MARCHF1: variants seen among roughly 807,000 people sequenced by gnomAD.
MARCHF1 encodes membrane associated ring-CH-type finger 1.
In MARCHF1, 40 loss-of-function variants were observed where a neutral mutation model predicts 54.2. The observed-to-expected ratio is 0.74, with a 90% CI of 0.57 to 0.96. The LOEUF (loss-of-function observed/expected upper bound fraction) is 0.96. Ranked by LOEUF, MARCHF1 falls within the 40% of genes least tolerant of loss-of-function variation. The pLI is 0.00. For missense variants in MARCHF1, 586 were observed against 656.5 expected (o/e 0.89, Z 1.17); for synonymous variants, 236 against 236.3 (o/e 1.00, Z 0.01).
chr4:163,532,289 T>A (rs1738380369), intron 9 of MARCHF1, among the ~76,000 whole-genome samples: 1 of 151,826 alleles, frequency 6.6e-6, no homozygotes, highest in South Asian at 2.1e-4. Context: ...GATACAAATA[T>A]AGGAAACTGA....
intron 3 of MARCHF1, among the ~76,000 whole-genome samples, chr4:163,944,212 G>C (rs1207192103): frequency 6.8e-6 from 1 of 146,716 alleles, no homozygotes. Flanking sequence ...TCGATCTCCT[G>C]ACCTCGTGAT....
intron 5 of MARCHF1, among the ~76,000 whole-genome samples, chr4:163,687,820 C>A (rs1744315488): frequency 6.6e-6 from 1 of 152,098 alleles, no homozygotes; most frequent in Non-Finnish European, 1.5e-5. Flanking sequence ...TTAAATTGGT[C>A]TATTTATATG....
intron 4 of MARCHF1, among the ~76,000 whole-genome samples, chr4:163,830,684 C>T (rs979262220): frequency 4.6e-5 from 7 of 151,888 alleles, no homozygotes; most frequent in African/African-American, 1.7e-4. Context: ...GAGGCCGAGG[C>T]GGGAGCATCA....
At chr4:163,879,844 A>G (rs1391448836) in intron 3 of MARCHF1, among the ~76,000 whole-genome samples, 2 of 134,864 alleles carry the variant, frequency 1.5e-5, no homozygotes, top group Non-Finnish European at 3.3e-5. Flanking sequence ...TAGCTTTTAT[A>G]ATCCAAAGTT....
intron 4 of MARCHF1, among the ~76,000 whole-genome samples, chr4:163,819,323 T>C (rs1410143257): frequency 6.6e-6 from 1 of 152,134 alleles, no homozygotes; most frequent in African/African-American, 2.4e-5. Flanking sequence ...CTTTGTGATG[T>C]CCCTTCTTCT....
At chr4:163,787,611 G>A (rs1007966871) in intron 4 of MARCHF1, among the ~76,000 whole-genome samples, 2 of 151,802 alleles carry the variant, frequency 1.3e-5, no homozygotes, top group African/African-American at 2.4e-5. Context: ...TGACACCCTT[G>A]TACACTTTTA....
At chr4:164,166,376 G>C (rs1730381837) in intron 1 of MARCHF1, among the ~76,000 whole-genome samples, 1 of 151,972 alleles carries the variant, frequency 6.6e-6, no homozygotes, top group Admixed American at 6.6e-5. Flanking sequence ...ACATAATGAA[G>C]TTATCCAAAA....
chr4:164,023,137 C>T (rs1010933951), intron 2 of MARCHF1, among the ~76,000 whole-genome samples: 1 of 152,180 alleles, frequency 6.6e-6, no homozygotes, highest in Non-Finnish European at 1.5e-5. Context: ...GTTCACTGGC[C>T]AGCATGGGAG....
chr4:163,693,142 G>C (rs1579200937), intron 5 of MARCHF1, among the ~76,000 whole-genome samples: 1 of 151,352 alleles, frequency 6.6e-6, no homozygotes, highest in Non-Finnish European at 1.5e-5. Context: ...CTAATGAGCA[G>C]GAAGGGCCAA....
In MARCHF1 at chr4:163,613,052, C is replaced by G; in HGVS notation, c.243-14G>C. ...AAGATGGCAGATCTAGACAGAGCAG[C>G]AGGCAAAGGATGGGAAATGGGAATG... On this transcript the variant is annotated splice_polypyrimidine_tract_variant and intron_variant, in intron 6 of 9. Transcript: ENST00000514618. 1 of 1,460,918 alleles carries G rather than the reference C, an allele frequency of 6.8e-7. No homozygotes were observed. Among genetic ancestry groups the G allele is most frequent in the Non-Finnish European group, 9.0e-7 (1 of 1,116,754 alleles). 90.5% of individuals were successfully genotyped at this position (1,460,918 alleles called of 1,614,324 possible).
Position 163,587,623 on chromosome 4 carries a change from G to C in MARCHF1, c.1011-1694C>G, listed in dbSNP as rs78344766. 4.7e-3 allele frequency among the ~76,000 whole-genome samples: 711 copies of C among 152,238 alleles called. 5 individuals carry two copies. Among genetic ancestry groups the C allele is most frequent in the African/African-American group, 0.017 (686 of 41,526 alleles). ...CACTGGAGATTGTTGAAGCGGGGGA[G>C]GGTGGTGGGAAGTAAAGTTTGAAAA... On this transcript the variant is annotated intron_variant, in intron 7 of 9. Coordinates refer to ENST00000514618, the MANE Select transcript of MARCHF1 (RefSeq NM_001394959.1).
intron 2 of MARCHF1, among the ~76,000 whole-genome samples, chr4:164,069,314 C>T (rs567479445): frequency 2.8e-3 from 429 of 152,306 alleles, no homozygotes; most frequent in Middle Eastern, 6.8e-3. Context: ...AGAATAAAAG[C>T]AGGCTGCCTG....
chr4:163,804,500 T>C (rs181163145), intron 4 of MARCHF1, among the ~76,000 whole-genome samples: 212 of 152,224 alleles, frequency 1.4e-3, no homozygotes, highest in Admixed American at 2.2e-3. Flanking sequence ...CACTGTTCAA[T>C]AGAAATATTG....
chr4:163,872,969 T>A (rs559754848), intron 3 of MARCHF1, among the ~76,000 whole-genome samples: 11 of 151,734 alleles, frequency 7.2e-5, no homozygotes, highest in East Asian at 3.9e-4. Context: ...GCGTGAACCC[T>A]GGAGGCGGAG....
intron 3 of MARCHF1, among the ~76,000 whole-genome samples, chr4:163,913,299 G>C (rs1436310961): frequency 1.3e-5 from 2 of 152,096 alleles, no homozygotes; most frequent in Non-Finnish European, 2.9e-5. Flanking sequence ...TGATTATAAT[G>C]TTATTGATTA....
At chr4:163,909,563 T>G (rs1751145624) in intron 3 of MARCHF1, among the ~76,000 whole-genome samples, 1 of 152,206 alleles carries the variant, frequency 6.6e-6, no homozygotes, top group Admixed American at 6.5e-5. Flanking sequence ...GGAGTATGCT[T>G]CATAGCACAA....
chr4:163,632,883 T>C (rs369586564), intron 5 of MARCHF1, among the ~76,000 whole-genome samples: 34 of 152,282 alleles, frequency 2.2e-4, no homozygotes, highest in South Asian at 8.3e-4. Flanking sequence ...GTTCTCCCAG[T>C]ATGCAGCTGG....
At chr4:164,077,684 G>GA (rs565598220) in intron 2 of MARCHF1, among the ~76,000 whole-genome samples, 216 of 152,060 alleles carry the variant, frequency 1.4e-3, no homozygotes, top group South Asian at 3.9e-3. Context: ...AAATTTACAA[G>GA]AAAAAAACAA....
At chr4:164,296,290 G>A (rs1734409807) in intron 1 of MARCHF1, among the ~76,000 whole-genome samples, 1 of 152,178 alleles carries the variant, frequency 6.6e-6, no homozygotes, top group African/African-American at 2.4e-5. Context: ...ATCTGTGATA[G>A]CTGTTAATTT....
Sources: gnomAD v4.1 joint callset for allele counts (sites outside exome capture counted in the v4.1 genomes callset) on GRCh38, gnomAD v4.1.1 for gene constraint, MANE v1.5 for transcripts, NCBI Gene and HGNC (gene_info 2026-07-23, HGNC 2026-07-21) for gene names.